Variants in TMEM170B observed in about 807,000 individuals in gnomAD.
TMEM170B encodes the protein transmembrane protein 170B.
TMEM170B carries 6 observed loss-of-function variants against 13.0 expected under a neutral mutation model. The ratio of observed to expected loss-of-function variants is 0.46; its 90% CI spans 0.25 to 0.91. TMEM170B has a LOEUF of 0.91. Ranked by LOEUF, TMEM170B falls within the 40% of genes least tolerant of loss-of-function variation. The pLI is 0.17. For missense variants in TMEM170B, 138 were observed against 165.2 expected (o/e 0.84, Z 0.90); for synonymous variants, 61 against 64.9 (o/e 0.94, Z 0.29).
chr6:11,575,378 G>A lies in TMEM170B; in HGVS notation c.269-53G>A, dbSNP rs1045539246. 2 of 1,606,716 alleles carry A rather than the reference G, an allele frequency of 1.2e-6. No homozygotes were observed. The stretch of plus-strand genomic sequence containing the variant: ...GAGCTCTTAAGGTGCAGCATGCAGT[G>A]TGTTATAAAACGAGTGACTGTATCC... On this transcript the variant is annotated intron_variant, in intron 2 of 2. Transcript: ENST00000379426. The surrounding 1 kb of genome is among the most constrained non-coding windows in gnomAD (Gnocchi z 4.1).
intron 2 of TMEM170B, among the ~76,000 whole-genome samples, chr6:11,568,730 A>G (rs1033122793): frequency 4.6e-5 from 7 of 152,198 alleles, no homozygotes; most frequent in South Asian, 2.1e-4. Context: ...AAACTAGCCA[A>G]TGTGAATAGT....
intron 2 of TMEM170B, among the ~76,000 whole-genome samples, chr6:11,567,191 A>G (rs557640225): frequency 6.6e-6 from 1 of 152,296 alleles, no homozygotes; most frequent in East Asian, 1.9e-4. Context: ...TTAGGTGTGT[A>G]CCCTGTTGAG....
In TMEM170B at chr6:11,538,392, G is replaced by A; in HGVS notation, c.97+18G>A. ...CCTCACGGGTAATTGACGCGCCTGGGCTGGGGACGGGGATGCGGTCCGCCC... is the reference window on the plus strand; with the variant it reads ...CCTCACGGGTAATTGACGCGCCTGGACTGGGGACGGGGATGCGGTCCGCCC... On this transcript the variant is annotated intron_variant, in intron 1 of 2. Transcript: ENST00000379426. 6.7e-7 allele frequency: 1 copy of A among 1,494,286 alleles called. No homozygotes were observed. Among genetic ancestry groups the A allele is most frequent in the Non-Finnish European group, 8.9e-7 (1 of 1,121,886 alleles). 92.6% of individuals were successfully genotyped at this position (1,494,286 alleles called of 1,614,324 possible). A position where few individuals can be genotyped will look rare whatever the true frequency, so the allele number is the denominator to read the frequency against.
At chr6:11,539,698 A>G (rs1759334692) in intron 1 of TMEM170B, among the ~76,000 whole-genome samples, 2 of 152,226 alleles carry the variant, frequency 1.3e-5, no homozygotes, top group African/African-American at 2.4e-5. Context: ...GGAAAACTAA[A>G]TGGACATAAA....
At chr6:11,545,928 C>T (rs1030265509) in intron 1 of TMEM170B, among the ~76,000 whole-genome samples, 36 of 147,656 alleles carry the variant, frequency 2.4e-4, no homozygotes, top group Admixed American at 7.0e-4. Context: ...AGGAGAATGG[C>T]ATGAACCTGG....
chr6:11,546,549 C>T (rs1400387988), intron 1 of TMEM170B, among the ~76,000 whole-genome samples: 1 of 152,174 alleles, frequency 6.6e-6, no homozygotes, highest in Non-Finnish European at 1.5e-5. Flanking sequence ...GAGCAACTTC[C>T]AGGCCTGCAA....
rs146259461 is a variant in TMEM170B, at chr6:11,570,967, A to G, written c.269-4464A>G. On this transcript the variant is annotated intron_variant, in intron 2 of 2. Transcript: ENST00000379426. ...AAAAAATCACTTTAAAAATGTGAAA[A>G]CTATTCTTAGCCTGCATGCTGTACA... Among the ~76,000 whole-genome samples the G allele has an allele frequency of 2.6e-4, 40 of 152,298 alleles. 2 individuals carry two copies. The East Asian group carries it at 7.7e-3, about 29-fold the overall frequency.
intron 1 of TMEM170B, among the ~76,000 whole-genome samples, chr6:11,549,804 A>T (rs997482126): frequency 1.3e-5 from 2 of 152,206 alleles, no homozygotes; most frequent in Non-Finnish European, 2.9e-5. Flanking sequence ...TTCTTACTGG[A>T]GTCCAGTTGC....
chr6:11,567,784 A>G lies in TMEM170B; in HGVS notation c.268+1948A>G, dbSNP rs79244170. Among the ~76,000 whole-genome samples, 15 of 152,310 alleles carry G rather than the reference A, an allele frequency of 9.8e-5. No individual in the cohort carries two copies. The East Asian group carries it at 2.9e-3, about 29-fold the overall frequency. On this transcript the variant is annotated intron_variant, in intron 2 of 2. Transcript: ENST00000379426. ...ACATGGTCTGCTTAATAGGAGTAGT[A>G]CCAGATTCAGTAGGAAAGATAGAAC...
chr6:11,567,938 G>A (rs922762083), intron 2 of TMEM170B, among the ~76,000 whole-genome samples: 2 of 152,252 alleles, frequency 1.3e-5, no homozygotes, highest in Non-Finnish European at 2.9e-5. Flanking sequence ...GGGAAATTTT[G>A]TTTTATAGTT....
chr6:11,545,948 C>A (rs1759433986), intron 1 of TMEM170B, among the ~76,000 whole-genome samples: 1 of 144,760 alleles, frequency 6.9e-6, no homozygotes, highest in Non-Finnish European at 1.5e-5. Flanking sequence ...GGAGGCAGAG[C>A]TTGCAGTGAG....
intron 1 of TMEM170B, among the ~76,000 whole-genome samples, chr6:11,556,758 A>G (rs1425068594): frequency 6.6e-6 from 1 of 151,836 alleles, no homozygotes; most frequent in Non-Finnish European, 1.5e-5. Context: ...TTATTCTTCT[A>G]CCCTTCCCTA....
Position 11,580,933 on chromosome 6 carries a change from A to G in TMEM170B, c.*5372A>G, listed in dbSNP as rs1302908448. The G allele has an allele frequency of 6.6e-6, 1 of 152,184 alleles. No homozygotes were observed. The highest frequency in any genetic ancestry group is 1.5e-5 in the Non-Finnish European group (1 of 68,030). 9.4% of individuals were successfully genotyped at this position (152,184 alleles called of 1,614,324 possible). ...GCATTTTGTGTGTGTGTGTGGTGAC[A>G]GGTTTGCTCTTCTCACTTAAGGAGC... On this transcript the variant is annotated 3_prime_UTR_variant, in exon 3 of 3. Transcript: ENST00000379426.
chr6:11,556,918 T>C (rs544505863), intron 1 of TMEM170B, among the ~76,000 whole-genome samples: 1 of 152,266 alleles, frequency 6.6e-6, no homozygotes, highest in African/African-American at 2.4e-5. Context: ...CCCGCAGGCC[T>C]ATACCACCAG....
intron 2 of TMEM170B, among the ~76,000 whole-genome samples, chr6:11,573,484 C>G (rs2113783406): frequency 6.6e-6 from 1 of 152,276 alleles, no homozygotes; most frequent in Admixed American, 6.5e-5. Context: ...ATCTCTTAAT[C>G]TTCGTGCCCA....
At chr6:11,543,151 A>G (rs1437246910) in intron 1 of TMEM170B, among the ~76,000 whole-genome samples, 1 of 152,148 alleles carries the variant, frequency 6.6e-6, no homozygotes. Flanking sequence ...ATTTGTATTT[A>G]TCTCTTCTAG....
chr6:11,541,865 A>T (rs1174561822), intron 1 of TMEM170B, among the ~76,000 whole-genome samples: 1 of 152,178 alleles, frequency 6.6e-6, no homozygotes, highest in Non-Finnish European at 1.5e-5. Flanking sequence ...CTCAGGGAAT[A>T]GGGAAACCCG....
At position 11,582,885 on chromosome 6, in the gene TMEM170B, G is replaced by T. The variant is rs1213608386; in HGVS notation, c.*7324G>T. The T allele has an allele frequency of 6.6e-6, 1 of 152,082 alleles. No homozygotes were observed. The highest frequency in any genetic ancestry group is 2.4e-5 in the African/African-American group (1 of 41,414). 9.4% of individuals were successfully genotyped at this position (152,082 alleles called of 1,614,324 possible). A position where few individuals can be genotyped will look rare whatever the true frequency, so the allele number is the denominator to read the frequency against. On this transcript the variant is annotated 3_prime_UTR_variant, in exon 3 of 3. Transcript: ENST00000379426. ...TATAAACTATATGAGTATGTGTACTGCATGTTTACATAAAACAGTTTAATT... is the reference window on the plus strand; with the variant it reads ...TATAAACTATATGAGTATGTGTACTTCATGTTTACATAAAACAGTTTAATT...
chr6:11,581,662 C>T lies in TMEM170B; in HGVS notation c.*6101C>T, dbSNP rs562585738. The T allele has an allele frequency of 6.6e-6, 1 of 152,308 alleles. No individual in the cohort carries two copies. Among genetic ancestry groups the T allele is most frequent in the Admixed American group, 6.5e-5 (1 of 15,300 alleles). 9.4% of individuals were successfully genotyped at this position (152,308 alleles called of 1,614,324 possible). On this transcript the variant is annotated 3_prime_UTR_variant, in exon 3 of 3. Transcript: ENST00000379426. ...AATTGGTAGTTCCTAAAAATCACCA[C>T]TTTAAAAATTTTATTCTGTCTTGCT...
Sources: allele counts gnomAD v4.1 joint callset (sites outside exome capture counted in the v4.1 genomes callset), GRCh38; gene constraint gnomAD v4.1.1; non-coding constraint Gnocchi (gnomAD v3.1); transcripts MANE v1.5; gene names NCBI Gene and HGNC (gene_info 2026-07-23, HGNC 2026-07-21).